IL23R: variants seen among roughly 807,000 people sequenced by gnomAD.
IL23R encodes the protein interleukin-23 receptor.
IL23R carries 34 observed loss-of-function variants against 56.9 expected under a neutral mutation model. The observed-to-expected ratio is 0.60, with a 90% CI of 0.45 to 0.80. The LOEUF is 0.80. Among genes scored for constraint, IL23R ranks in the 30% least tolerant of loss-of-function variants. The probability of loss-of-function intolerance (pLI) is 0.00; values close to 1 mark genes in which losing one functional copy is unlikely to be tolerated. For synonymous variants in IL23R, 230 were observed against 249.2 expected (o/e 0.92, Z 0.73); for missense variants, 635 against 730.0 (o/e 0.87, Z 1.50).
intron 1 of IL23R, among the ~76,000 whole-genome samples, chr1:67,147,031 A>T (rs1252025228): frequency 6.6e-6 from 1 of 152,126 alleles, no homozygotes; most frequent in Non-Finnish European, 1.5e-5. Context: ...AGGCCCCAAG[A>T]CAGAACATTC....
chr1:67,185,954 C>T (rs1323283712), intron 4 of IL23R, among the ~76,000 whole-genome samples: 2 of 152,120 alleles, frequency 1.3e-5, no homozygotes, highest in Non-Finnish European at 2.9e-5. Context: ...TTATTGTTCC[C>T]ATTTTACAGA....
chr1:67,228,034 T>C lies in IL23R; in HGVS notation c.955+8304T>C, dbSNP rs552273239. 8.1e-5 allele frequency among the ~76,000 whole-genome samples: 6 copies of C among 74,372 alleles called. 2 individuals carry two copies. The highest frequency in any genetic ancestry group is 1.7e-4 in the African/African-American group (3 of 18,040). 48.8% of individuals were successfully genotyped at this position (74,372 alleles called of 152,430 possible). Reference sequence around the variant, plus strand: ...TCTTTCTTTCTTCCTTTCTTTCTTTTCTTTCTTTCTCTTTCTTTCTTTCTT... The same window carrying C: ...TCTTTCTTTCTTCCTTTCTTTCTTTCCTTTCTTTCTCTTTCTTTCTTTCTT... On this transcript the variant is annotated intron_variant, in intron 7 of 10. Transcript: ENST00000347310.
chr1:67,151,911 C>G (rs12079083), intron 1 of IL23R, among the ~76,000 whole-genome samples: 57,256 of 151,932 alleles, frequency 0.38, 11,044 homozygotes, highest in Admixed American at 0.48. Context: ...CTCCAGCTTT[C>G]TTCTTTTTGC....
At chr1:67,176,252 G>C (rs958783774) in intron 3 of IL23R, among the ~76,000 whole-genome samples, 9 of 152,136 alleles carry the variant, frequency 5.9e-5, no homozygotes, top group Admixed American at 5.9e-4. Flanking sequence ...TACAGGAGTA[G>C]CTGGGGGAGA....
intron 1 of IL23R, among the ~76,000 whole-genome samples, chr1:67,167,246 T>C (rs1343778212): frequency 6.6e-6 from 1 of 152,148 alleles, no homozygotes; most frequent in Non-Finnish European, 1.5e-5. Context: ...AATTTTTGTA[T>C]TTTTAGTAGG....
Position 67,166,457 on chromosome 1 carries a change from C to G in IL23R, c.-114C>G, listed in dbSNP as rs1005522636. 13 of 152,284 alleles carry G rather than the reference C, an allele frequency of 8.5e-5. No homozygotes were observed. The highest frequency in any genetic ancestry group is 3.1e-4 in the African/African-American group (13 of 41,418). The allele number at this position is 152,284 out of a possible 1,614,324, so 9.4% of individuals were successfully genotyped here. A position where few individuals can be genotyped will look rare whatever the true frequency, so the allele number is the denominator to read the frequency against. ...TCTAAAGTGAGTGCTGACAGGCAGGCAGTGAGGAAAGAAGACATGACACAG... is the reference window on the plus strand; with the variant it reads ...TCTAAAGTGAGTGCTGACAGGCAGGGAGTGAGGAAAGAAGACATGACACAG... On this transcript the variant is annotated 5_prime_UTR_variant, in exon 1 of 11. Coordinates refer to ENST00000347310, the MANE Select transcript of IL23R (RefSeq NM_144701.3).
At position 67,168,320 on chromosome 1, in the gene IL23R, CA is replaced by C. The variant is rs1227416230; in HGVS notation, c.70+131del. On this transcript the variant is annotated intron_variant, in intron 2 of 10. Coordinates refer to ENST00000347310, the MANE Select transcript of IL23R (RefSeq NM_144701.3). ...ATTATTAGACTAGAAAAAATGTGTGCATAAAAATTACATAGAATGAAATAAA... is the reference window on the plus strand; with the variant it reads ...ATTATTAGACTAGAAAAAATGTGTGCTAAAAATTACATAGAATGAAATAAA... The C allele has an allele frequency of 2.3e-4, 174 of 773,294 alleles. 4 individuals are homozygous for C. In the East Asian group the frequency reaches 4.5e-3, roughly 20 times the overall value. The allele number at this position is 773,294 out of a possible 1,614,324, so 47.9% of individuals were successfully genotyped here. A position where few individuals can be genotyped will look rare whatever the true frequency, so the allele number is the denominator to read the frequency against.
chr1:67,216,493 T>C (rs1327552789), intron 6 of IL23R, among the ~76,000 whole-genome samples: 1 of 152,184 alleles, frequency 6.6e-6, no homozygotes, highest in African/African-American at 2.4e-5. Flanking sequence ...GGCCAAATGG[T>C]AAACATTTTA....
At chr1:67,140,650 A>G (rs756090591) in intron 1 of IL23R, among the ~76,000 whole-genome samples, 36 of 152,196 alleles carry the variant, frequency 2.4e-4, no homozygotes, top group Non-Finnish European at 4.7e-4. Context: ...TTAATCTTTG[A>G]CTCAGCAGTT....
At chr1:67,182,514 A>G (rs1647162765) in intron 3 of IL23R, among the ~76,000 whole-genome samples, 1 of 151,898 alleles carries the variant, frequency 6.6e-6, no homozygotes, top group African/African-American at 2.4e-5. Context: ...GAGTGACCCT[A>G]TTTTCCAGGT....
intron 1 of IL23R, among the ~76,000 whole-genome samples, chr1:67,167,793 C>T (rs2102553135): frequency 6.6e-6 from 1 of 152,232 alleles, no homozygotes; most frequent in Non-Finnish European, 1.5e-5. Context: ...ATGAGAAAGG[C>T]TAGATTAGGA....
chr1:67,180,781 T>G (rs1227738764), intron 3 of IL23R, among the ~76,000 whole-genome samples: 1 of 152,210 alleles, frequency 6.6e-6, no homozygotes, highest in Admixed American at 6.5e-5. Flanking sequence ...CCATGTTTAT[T>G]GCTTCCTTCA....
At position 67,240,194 on chromosome 1, in the gene IL23R, T is replaced by G. The variant is rs754093485; in HGVS notation, c.1061T>G (p.Ile354Ser). 1 of 1,608,958 alleles carries G rather than the reference T, an allele frequency of 6.2e-7. No individual in the cohort carries two copies. Among genetic ancestry groups the G allele is most frequent in the Non-Finnish European group, 8.5e-7 (1 of 1,175,430 alleles). The change falls in exon 9 of 11, where the codon ATT (isoleucine) becomes AGT (serine). Residue 354 changes from isoleucine to serine, a missense_variant. Transcript: ENST00000347310. ...CTTTCATTAGACAACAGAGGAGACATTGGACTTTTATTGGGAATGATCGTC... is the reference window on the plus strand; with the variant it reads ...CTTTCATTAGACAACAGAGGAGACAGTGGACTTTTATTGGGAATGATCGTC... Reference protein sequence around the residue: ...GHLTSDNRGDIGLLLGMIVFA... With the variant: ...GHLTSDNRGDSGLLLGMIVFA...
chr1:67,178,054 T>A (rs906670449), intron 3 of IL23R, among the ~76,000 whole-genome samples: 1 of 152,078 alleles, frequency 6.6e-6, no homozygotes, highest in Admixed American at 6.5e-5. Context: ...GGTAGCATGA[T>A]GCCTCCGGCT....
intron 4 of IL23R, among the ~76,000 whole-genome samples, chr1:67,190,250 G>A (rs1358907018): frequency 1.3e-5 from 2 of 152,260 alleles, no homozygotes; most frequent in African/African-American, 4.8e-5. Flanking sequence ...TGGCAACATA[G>A]GTGCCATCAC....
intron 7 of IL23R, among the ~76,000 whole-genome samples, chr1:67,222,947 GTTC>G (rs777533407): frequency 7.0e-4 from 106 of 152,076 alleles, no homozygotes; most frequent in Non-Finnish European, 1.3e-3. Flanking sequence ...GACTACAAAT[GTTC>G]TTCTTTAAAC....
Position 67,207,026 on chromosome 1 carries a change from T to C in IL23R, c.769T>C (p.Tyr257His), listed in dbSNP as rs1490421226. The change falls in exon 6 of 11, where the codon TAC (tyrosine) becomes CAC (histidine). Residue 257 changes from tyrosine (Y) to histidine (H), a missense_variant. Tyr to His is a moderately conservative substitution (Grantham distance 83). Transcript: ENST00000347310. ...TIEKVSCEMRYKATTNQTWNV... is the reference protein window; with the variant it reads ...TIEKVSCEMRHKATTNQTWNV... ...TGAAAAGGTTTCCTGTGAAATGAGA[T>C]ACAAGGCTACAACAAACCAAACTTG... 1 of 1,613,560 alleles carries C rather than the reference T, an allele frequency of 6.2e-7. No homozygotes were observed. The highest frequency in any genetic ancestry group is 8.5e-7 in the Non-Finnish European group (1 of 1,179,920).
In IL23R at chr1:67,259,480, G is replaced by A. The variant is rs1222195905; in HGVS notation, c.*352G>A. On this transcript the variant is annotated 3_prime_UTR_variant, in exon 11 of 11. Transcript: ENST00000347310. ...AATTAAGGTCCCGAAGGTGGAACATGCTTCATGGTCACACATACAGGCACA... is the reference window on the plus strand; with the variant it reads ...AATTAAGGTCCCGAAGGTGGAACATACTTCATGGTCACACATACAGGCACA... 6.2e-6 allele frequency: 2 copies of A among 325,164 alleles called. No individual in the cohort carries two copies. Among genetic ancestry groups the A allele is most frequent in the East Asian group, 7.9e-5 (1 of 12,640 alleles). The allele number at this position is 325,164 out of a possible 1,614,324, so 20.1% of individuals were successfully genotyped here.
At chr1:67,148,614 A>T (rs981280530) in intron 1 of IL23R, among the ~76,000 whole-genome samples, 5 of 152,326 alleles carry the variant, frequency 3.3e-5, no homozygotes, top group East Asian at 3.9e-4. Context: ...GAATCCAGCT[A>T]GTCCTGTCTC....
Sources: allele counts gnomAD v4.1 joint callset (sites outside exome capture counted in the v4.1 genomes callset), GRCh38; gene constraint gnomAD v4.1.1; transcripts MANE v1.5; gene names NCBI Gene and HGNC (gene_info 2026-07-23, HGNC 2026-07-21).